Variants in KCNQ5 observed in about 807,000 individuals in gnomAD.
KCNQ5 encodes the protein potassium voltage-gated channel subfamily KQT member 5.
KCNQ5 carries 30 observed loss-of-function variants against 98.2 expected under a neutral mutation model. The ratio of observed to expected loss-of-function variants is 0.31; its 90% CI spans 0.23 to 0.41. The LOEUF (loss-of-function observed/expected upper bound fraction) is 0.41. KCNQ5 is among the 10% of genes least tolerant of loss of function. The pLI, the probability that KCNQ5 is intolerant of heterozygous loss-of-function variation, is 1.00. For synonymous variants in KCNQ5, 458 were observed against 449.4 expected (o/e 1.02, Z -0.24); for missense variants, 835 against 1,182.5 (o/e 0.71, Z 4.31).
chr6:72,818,800 A>T (rs1009326306), intron 1 of KCNQ5, among the ~76,000 whole-genome samples: 8 of 151,242 alleles, frequency 5.3e-5, no homozygotes, highest in Non-Finnish European at 1.2e-4. Flanking sequence ...AAACATTTTC[A>T]TATTTTAAAT....
chr6:72,728,430 C>T (rs1442270387), intron 1 of KCNQ5, among the ~76,000 whole-genome samples: 1 of 152,222 alleles, frequency 6.6e-6, no homozygotes, highest in East Asian at 1.9e-4. Context: ...CCAACACACA[C>T]TCCCAACATG....
At chr6:72,902,249 T>C (rs1291852421) in intron 1 of KCNQ5, among the ~76,000 whole-genome samples, 1 of 152,152 alleles carries the variant, frequency 6.6e-6, no homozygotes, top group Admixed American at 6.6e-5. Flanking sequence ...TGGAGAAGTC[T>C]TTAGGGTTCT....
intron 1 of KCNQ5, among the ~76,000 whole-genome samples, chr6:72,768,231 A>C (rs1450319541): frequency 6.6e-6 from 1 of 151,936 alleles, no homozygotes; most frequent in East Asian, 1.9e-4. Flanking sequence ...GCTGAAACCT[A>C]AAAAGAGGCT....
intron 1 of KCNQ5, among the ~76,000 whole-genome samples, chr6:72,776,116 T>TAAAATTATTCC (rs756057738): frequency 6.6e-6 from 1 of 152,178 alleles, no homozygotes; most frequent in Non-Finnish European, 1.5e-5. Flanking sequence ...TCTGTAAATC[T>TAAAATTATTCC]AAAATTATTC....
chr6:73,057,068 A>G (rs1316973216), intron 3 of KCNQ5, among the ~76,000 whole-genome samples: 5 of 152,206 alleles, frequency 3.3e-5, no homozygotes, highest in African/African-American at 1.2e-4. Context: ...GCAAAGACTT[A>G]GAACCAACCC....
intron 3 of KCNQ5, among the ~76,000 whole-genome samples, chr6:73,074,301 T>C (rs762464408): frequency 1.3e-5 from 2 of 152,216 alleles, no homozygotes; most frequent in African/African-American, 2.4e-5. Flanking sequence ...TAGGTGGTAC[T>C]GACAGCAAAA....
intron 1 of KCNQ5, among the ~76,000 whole-genome samples, chr6:72,845,196 CAGTG>C (rs1020698839): frequency 1.3e-5 from 2 of 152,124 alleles, no homozygotes; most frequent in African/African-American, 4.8e-5. Flanking sequence ...AGTATGTATA[CAGTG>C]AGTGTGTAAA....
chr6:72,785,472 T>C (rs2154478016), intron 1 of KCNQ5, among the ~76,000 whole-genome samples: 1 of 151,984 alleles, frequency 6.6e-6, no homozygotes, highest in South Asian at 2.1e-4. Flanking sequence ...AACATAGTGA[T>C]ACCCCATCTC....
intron 1 of KCNQ5, among the ~76,000 whole-genome samples, chr6:72,698,024 T>A (rs930976861): frequency 6.6e-6 from 1 of 152,168 alleles, no homozygotes; most frequent in African/African-American, 2.4e-5. Context: ...AATACCAGCC[T>A]GGGCAGCATA....
chr6:72,781,786 G>A (rs1773488507), intron 1 of KCNQ5, among the ~76,000 whole-genome samples: 1 of 152,022 alleles, frequency 6.6e-6, no homozygotes, highest in Admixed American at 6.6e-5. Flanking sequence ...CTTTCAACTT[G>A]ACTTTTGTAC....
chr6:72,682,811 G>A (rs1374495981), intron 1 of KCNQ5, among the ~76,000 whole-genome samples: 2 of 152,212 alleles, frequency 1.3e-5, no homozygotes, highest in Non-Finnish European at 2.9e-5. Context: ...CAAGGCCAGG[G>A]TGGCGAGGAT....
intron 1 of KCNQ5, among the ~76,000 whole-genome samples, chr6:72,753,325 A>G (rs1771780592): frequency 6.6e-6 from 1 of 152,100 alleles, no homozygotes; most frequent in African/African-American, 2.4e-5. Context: ...TTTTACAGGT[A>G]TACCATAAAA....
intron 1 of KCNQ5, among the ~76,000 whole-genome samples, chr6:72,666,325 A>T (rs1422062220): frequency 1.4e-5 from 2 of 146,380 alleles, no homozygotes; most frequent in Non-Finnish European, 3.1e-5. Context: ...GGAAAATAAC[A>T]ACTGGAATAA....
rs181166150 is a variant in KCNQ5, at chr6:73,055,512, A to T, written c.616+13450A>T. The T allele has an allele frequency of 6.5e-4, 994 of 1,538,374 alleles. 1 individual carries two copies. The highest frequency in any genetic ancestry group is 6.5e-4 in the Non-Finnish European group (726 of 1,112,758). On this transcript the variant is annotated intron_variant, in intron 3 of 13. Coordinates refer to ENST00000370398, the MANE Select transcript of KCNQ5 (RefSeq NM_019842.4). ...AGCAACATCAGTAAGGATCACAGGT[A>T]TGCAGACCTCACAGAAAATCACCTA...
chr6:72,699,039 T>C (rs1318866973), intron 1 of KCNQ5, among the ~76,000 whole-genome samples: 1 of 152,122 alleles, frequency 6.6e-6, no homozygotes, highest in Non-Finnish European at 1.5e-5. Flanking sequence ...AATTAGAGAT[T>C]ATATTGATTT....
chr6:72,629,466 A>G (rs572371029), intron 1 of KCNQ5, among the ~76,000 whole-genome samples: 15 of 152,332 alleles, frequency 9.8e-5, no homozygotes, highest in Admixed American at 7.2e-4. Context: ...AGAAATGTTG[A>G]AAAGTGTTAC....
intron 1 of KCNQ5, among the ~76,000 whole-genome samples, chr6:72,942,285 A>G (rs1352035781): frequency 6.6e-6 from 1 of 152,210 alleles, no homozygotes; most frequent in East Asian, 1.9e-4. Context: ...TTATTCACTG[A>G]CCTGTAGTAT....
At chr6:72,914,153 C>T (rs757744641) in intron 1 of KCNQ5, among the ~76,000 whole-genome samples, 3 of 152,196 alleles carry the variant, frequency 2.0e-5, no homozygotes, top group Middle Eastern at 3.4e-3. Flanking sequence ...TCCTGAACCC[C>T]CACCAATGGA....
intron 1 of KCNQ5, among the ~76,000 whole-genome samples, chr6:72,697,629 T>C (rs1309863641): frequency 2.0e-5 from 3 of 152,184 alleles, no homozygotes; most frequent in Admixed American, 6.5e-5. Context: ...TGAAGAAATA[T>C]TTGGTAATGA....
Sources: allele counts gnomAD v4.1 joint callset (sites outside exome capture counted in the v4.1 genomes callset), GRCh38; gene constraint gnomAD v4.1.1; transcripts MANE v1.5; gene names NCBI Gene and HGNC (gene_info 2026-07-23, HGNC 2026-07-21).